STK33: variants seen among roughly 807,000 people sequenced by gnomAD.
STK33 encodes the protein serine/threonine kinase 33, also known as serine/threonine-protein kinase 33.
Under a neutral mutation model 58.0 loss-of-function variants are expected in STK33, and 52 were observed. That is an observed-to-expected ratio of 0.90 (90% confidence interval 0.72 to 1.13). The LOEUF (loss-of-function observed/expected upper bound fraction) is 1.13. Ranked by LOEUF, STK33 falls within the 50% of genes most tolerant of loss-of-function variation. The pLI, the probability that STK33 is intolerant of heterozygous loss-of-function variation, is 0.00. For missense variants in STK33, 630 were observed against 604.2 expected (o/e 1.04, Z -0.45); for synonymous variants, 215 against 200.1 (o/e 1.07, Z -0.63).
At chr11:8,505,629 G>T (rs1448250665) in intron 1 of STK33, among the ~76,000 whole-genome samples, 1 of 152,156 alleles carries the variant, frequency 6.6e-6, no homozygotes, top group African/African-American at 2.4e-5. Flanking sequence ...CCTACACAGC[G>T]TTAGTCACAC....
the STK33 span, among the ~76,000 whole-genome samples, chr11:8,382,749 C>A: frequency 2.6e-5 from 4 of 152,184 alleles, no homozygotes; most frequent in African/African-American, 9.7e-5. Context: ...GGCAAGCAGG[C>A]CTGTAATTCG....
intron 1 of STK33, among the ~76,000 whole-genome samples, chr11:8,537,523 CT>C (rs1327153642): frequency 2.0e-5 from 3 of 152,146 alleles, no homozygotes; most frequent in Admixed American, 6.5e-5. Flanking sequence ...CTGTTACTGA[CT>C]TTTCTCAATC....
chr11:8,375,255 T>C, the STK33 span, among the ~76,000 whole-genome samples: 1 of 152,256 alleles, frequency 6.6e-6, no homozygotes, highest in Non-Finnish European at 1.5e-5. Context: ...TGCAGTGACA[T>C]TTATTTGCAA....
At chr11:8,428,816 G>A (rs909326440) in intron 14 of STK33, among the ~76,000 whole-genome samples, 3 of 152,010 alleles carry the variant, frequency 2.0e-5, no homozygotes, top group Non-Finnish European at 4.4e-5. Flanking sequence ...ATATGATACT[G>A]TTATGTTTAG....
chr11:8,534,782 T>C (rs181461074), intron 1 of STK33, among the ~76,000 whole-genome samples: 4 of 152,202 alleles, frequency 2.6e-5, no homozygotes, highest in African/African-American at 7.2e-5. Flanking sequence ...CAAAATGAAA[T>C]TGTTATAATT....
chr11:8,556,619 A>T (rs1417807973), intron 1 of STK33, among the ~76,000 whole-genome samples: 1 of 152,104 alleles, frequency 6.6e-6, no homozygotes, highest in African/African-American at 2.4e-5. Context: ...TAAATCACTT[A>T]TCCAAATTGG....
chr11:8,423,609 A>C (rs1590935336), intron 14 of STK33, among the ~76,000 whole-genome samples: 1 of 152,214 alleles, frequency 6.6e-6, no homozygotes, highest in Non-Finnish European at 1.5e-5. Context: ...AACTTTATTA[A>C]GGCTTCCTTG....
rs1211266907 is a variant in STK33 at position 8,391,959 on chromosome 11, T to G, written c.*551A>C. 2.0e-5 allele frequency: 3 copies of G among 153,450 alleles called. No homozygotes were observed. The highest frequency in any genetic ancestry group is 6.5e-5 in the Admixed American group (1 of 15,408). The allele number at this position is 153,450 out of a possible 1,614,324, so 9.5% of individuals were successfully genotyped here. ...GGCAAGCAGTTACAAAATCTCCTAT[T>G]TTTCTACATTTAAAATAAGCTGTCT... On this transcript the variant is annotated 3_prime_UTR_variant, in exon 16 of 16. Coordinates refer to ENST00000687296, the MANE Select transcript of STK33 (RefSeq NM_001352389.2).
intron 1 of STK33, among the ~76,000 whole-genome samples, chr11:8,576,513 T>C (rs1440243872): frequency 1.3e-5 from 2 of 152,218 alleles, no homozygotes; most frequent in Non-Finnish European, 2.9e-5. Context: ...TATAAATATA[T>C]GCCACAAATT....
chr11:8,459,580 AT>A lies in STK33; in HGVS notation c.559-2102del, dbSNP rs555877291. Among the ~76,000 whole-genome samples the A allele has an allele frequency of 6.6e-5, 10 of 152,262 alleles. 1 individual carries two copies. In the South Asian group the frequency reaches 2.1e-3, roughly 32 times the overall value. On this transcript the variant is annotated intron_variant, in intron 8 of 15. Transcript: ENST00000687296. ...AAACATCAGCCAGCATAGGGTAGTT[AT>A]TCCTGAGAGAGAGGAAATACATGAG... is the stretch of plus-strand genomic sequence containing the variant.
At chr11:8,474,123 T>C (rs1474048159) in intron 5 of STK33, among the ~76,000 whole-genome samples, 1 of 151,536 alleles carries the variant, frequency 6.6e-6, no homozygotes, top group East Asian at 1.9e-4. Flanking sequence ...TGTGATGAGC[T>C]GAGATTGTGC....
intron 14 of STK33, among the ~76,000 whole-genome samples, chr11:8,432,192 T>A (rs371298363): frequency 6.6e-6 from 1 of 152,232 alleles, no homozygotes. Context: ...AAAAACTGAC[T>A]TCCTTAATTT....
At chr11:8,387,563 T>C (rs73402058), downstream of STK33, among the ~76,000 whole-genome samples, 13,341 of 152,226 alleles carry the variant, frequency 0.088, 888 homozygotes, top group African/African-American at 0.18. Context: ...GTGTCTGGCA[T>C]GTATAAGTGC....
At chr11:8,349,334 A>T in the STK33 span, among the ~76,000 whole-genome samples, 3 of 152,188 alleles carry the variant, frequency 2.0e-5, no homozygotes, top group Non-Finnish European at 4.4e-5. Context: ...CCCTTCCTGG[A>T]GAACCCTTTG....
chr11:8,515,783 T>G (rs1478302107), intron 1 of STK33, among the ~76,000 whole-genome samples: 2 of 152,082 alleles, frequency 1.3e-5, no homozygotes, highest in Non-Finnish European at 2.9e-5. Flanking sequence ...AATTCAACAC[T>G]TTTTCATGAT....
chr11:8,554,574 G>C (rs1299094604), intron 1 of STK33, among the ~76,000 whole-genome samples: 1 of 152,130 alleles, frequency 6.6e-6, no homozygotes, highest in Admixed American at 6.6e-5. Flanking sequence ...CCTCATACCT[G>C]TTAGAATGGC....
At chr11:8,371,088 C>A in the STK33 span, among the ~76,000 whole-genome samples, 3 of 152,032 alleles carry the variant, frequency 2.0e-5, no homozygotes, top group Admixed American at 2.0e-4. Context: ...AGAGGAGGAA[C>A]CATGAAGGAA....
intron 12 of STK33, among the ~76,000 whole-genome samples, chr11:8,438,750 T>C (rs1277850195): frequency 1.3e-5 from 2 of 152,154 alleles, no homozygotes; most frequent in Non-Finnish European, 2.9e-5. Context: ...AGATTATATA[T>C]AGGATGTTTG....
At chr11:8,495,970 G>T (rs889516009) in intron 1 of STK33, among the ~76,000 whole-genome samples, 2 of 151,966 alleles carry the variant, frequency 1.3e-5, no homozygotes, top group African/African-American at 4.8e-5. Flanking sequence ...CTGGGAGAGG[G>T]ATAGCATTAG....
Sources: allele counts gnomAD v4.1 joint callset (sites outside exome capture counted in the v4.1 genomes callset), GRCh38; gene constraint gnomAD v4.1.1; transcripts MANE v1.5; gene names NCBI Gene and HGNC (gene_info 2026-07-23, HGNC 2026-07-21).